TATDN3: variants seen among roughly 807,000 people sequenced by gnomAD.
TATDN3 encodes the protein deoxyribonuclease TATDN3.
Under a neutral mutation model 40.1 loss-of-function variants are expected in TATDN3, and 29 were observed. The ratio of observed to expected loss-of-function variants is 0.72; its 90% CI spans 0.54 to 0.99. The LOEUF is 0.99. Among genes scored for constraint, TATDN3 ranks in the 50% least tolerant of loss-of-function variants. The pLI is 0.00. For missense variants in TATDN3, 309 were observed against 321.9 expected, an observed-to-expected ratio of 0.96 and a Z score of 0.31; for synonymous variants, 105 against 117.0, an observed-to-expected ratio of 0.90 and a Z score of 0.66.
chr1:212,815,105 A>G lies in TATDN3; in HGVS notation c.774A>G (p.Thr258=). The change falls in exon 10 of 10, where the codon ACA becomes ACG. Residue 258 remains threonine, a synonymous_variant. Coordinates refer to ENST00000366974, the MANE Select transcript of TATDN3 (RefSeq NM_001042552.3). ...TGGAAGAAGTTATAGAAGTGACGAC[A>G]CAGAATGCATTAAAACTGTTTCCTA... ...ISVEEVIEVT[T]QNALKLFPKL... 1 of 1,614,108 alleles carries G rather than the reference A, an allele frequency of 6.2e-7. No homozygotes were observed. The highest frequency in any genetic ancestry group is 1.1e-5 in the South Asian group (1 of 91,068).
At chr1:212,802,912 T>C (rs1014953372) in intron 5 of TATDN3, 149 bp downstream of exon 5, 6 of 576,540 alleles carry the variant, frequency 1.0e-5, no homozygotes, top group Non-Finnish European at 1.8e-5. Context: ...TTGATACTTC[T>C]TTAATAAGCA....
At chr1:212,792,079 C>G (rs1257628238) in intron 1 of TATDN3, 92 bp downstream of exon 1, 1 of 1,257,066 alleles carries the variant, frequency 8.0e-7, no homozygotes, top group Non-Finnish European at 1.1e-6. Flanking sequence ...GGGACGAAAC[C>G]CCATATCCCC....
At chr1:212,813,640 C>G (rs1243123328) in intron 9 of TATDN3, among the ~76,000 whole-genome samples, 1 of 150,260 alleles carries the variant, frequency 6.7e-6, no homozygotes, top group African/African-American at 2.4e-5. Flanking sequence ...TCACAGCAAC[C>G]TCGACTTTCT....
At chr1:212,792,228 G>A (rs1661355495) in intron 1 of TATDN3, among the ~76,000 whole-genome samples, 1 of 152,058 alleles carries the variant, frequency 6.6e-6, no homozygotes, top group Non-Finnish European at 1.5e-5. Flanking sequence ...GCTCTTCTGA[G>A]TTCCTGGAAT....
chr1:212,794,301 G>A lies in TATDN3; in HGVS notation c.67-794G>A, dbSNP rs558650104. 2.8e-4 allele frequency among the ~76,000 whole-genome samples: 42 copies of A among 150,914 alleles called. No homozygotes were observed. In the South Asian group the frequency reaches 8.6e-3, roughly 31 times the overall value. ...ATCTCAAAAAAAAAAAAAAAAATTG[G>A]GGACTCAGGCTGGGTTCGATGGCTC... On this transcript the variant is annotated intron_variant, in intron 1 of 9. Coordinates refer to ENST00000366974, the MANE Select transcript of TATDN3 (RefSeq NM_001042552.3).
intron 4 of TATDN3, chr1:212,797,526 T>C (rs1661861203): frequency 5.2e-6 from 1 of 193,370 alleles, no homozygotes; most frequent in Non-Finnish European, 1.1e-5. Context: ...CCAAATAGCA[T>C]ATTCACTATG....
chr1:212,799,798 C>T (rs1047270206), intron 4 of TATDN3, among the ~76,000 whole-genome samples: 16 of 152,184 alleles, frequency 1.1e-4, no homozygotes, highest in Non-Finnish European at 2.1e-4. Flanking sequence ...CTTGGCCTCC[C>T]AAAGTGCTGG....
rs983960909 is a variant in TATDN3 at position 212,815,613 on chromosome 1, TCCC to T, written c.*458_*460del. On this transcript the variant is annotated 3_prime_UTR_variant, in exon 10 of 10. Coordinates refer to ENST00000366974, the MANE Select transcript of TATDN3 (RefSeq NM_001042552.3). Reference sequence around the variant, plus strand: ...ATCTTGGCTCACTGCAACCTCCACTTCCCAGGTTCTAGCGAGTCTCCTCCCTCA... The same window carrying T: ...ATCTTGGCTCACTGCAACCTCCACTTAGGTTCTAGCGAGTCTCCTCCCTCA... 4 of 153,322 alleles carry T rather than the reference TCCC, an allele frequency of 2.6e-5. No individual in the cohort carries two copies. Among genetic ancestry groups the T allele is most frequent in the African/African-American group, 9.6e-5 (4 of 41,474 alleles). The allele number at this position is 153,322 out of a possible 1,614,324, so 9.5% of individuals were successfully genotyped here.
At chr1:212,813,617 T>G (rs1396320566) in intron 9 of TATDN3, among the ~76,000 whole-genome samples, 1 of 150,646 alleles carries the variant, frequency 6.6e-6, no homozygotes, top group Non-Finnish European at 1.5e-5. Context: ...CAAGCTATAG[T>G]GCAGTGGCGT....
At chr1:212,794,113 T>C (rs1198012900) in intron 1 of TATDN3, among the ~76,000 whole-genome samples, 2 of 151,900 alleles carry the variant, frequency 1.3e-5, no homozygotes, top group South Asian at 4.2e-4. Context: ...ACCCTGTCGC[T>C]ACTAAAAGTA....
At chr1:212,792,254 C>G (rs1661358810) in intron 1 of TATDN3, among the ~76,000 whole-genome samples, 2 of 152,210 alleles carry the variant, frequency 1.3e-5, no homozygotes, top group South Asian at 4.1e-4. Context: ...CCTCACTCCC[C>G]TTGGCTGGCC....
At chr1:212,806,721 A>G (rs1357965092) in intron 7 of TATDN3, among the ~76,000 whole-genome samples, 1 of 116,570 alleles carries the variant, frequency 8.6e-6, no homozygotes, top group Non-Finnish European at 1.8e-5. Context: ...AAGATTAAGA[A>G]TTTATTCTCT....
chr1:212,812,034 CAT>C (rs1662917876), intron 8 of TATDN3, among the ~76,000 whole-genome samples: 1 of 151,994 alleles, frequency 6.6e-6, no homozygotes, highest in African/African-American at 2.4e-5. Flanking sequence ...GGGGTTTCAC[CAT>C]GTTGGTCAGG....
At chr1:212,794,753 A>T in intron 1 of TATDN3, 2 of 486,216 alleles carry the variant, frequency 4.1e-6, no homozygotes, top group Non-Finnish European at 8.1e-6. Context: ...CCAATGAGAG[A>T]GTGGTATTGC....
At position 212,804,444 on chromosome 1, in the gene TATDN3, T is replaced by A. The variant is rs1270225229; in HGVS notation, c.431+15T>A. On this transcript the variant is annotated intron_variant, in intron 6 of 9. Coordinates refer to ENST00000366974, the MANE Select transcript of TATDN3 (RefSeq NM_001042552.3). Reference sequence around the variant, plus strand: ...AATTTGCCTGTGTAGGTTAATTATTTTCCTATGTTAATAGCTATAGAGCAA... The same window carrying A: ...AATTTGCCTGTGTAGGTTAATTATTATCCTATGTTAATAGCTATAGAGCAA... The A allele has an allele frequency of 6.2e-7, 1 of 1,601,518 alleles. No homozygotes were observed. The highest frequency in any genetic ancestry group is 1.1e-5 in the South Asian group (1 of 90,538).
chr1:212,805,634 A>G (rs1013421202), intron 7 of TATDN3, among the ~76,000 whole-genome samples: 4 of 152,220 alleles, frequency 2.6e-5, no homozygotes, highest in Admixed American at 2.0e-4. Context: ...AATCACAGCA[A>G]TCACATTGCG....
chr1:212,797,317 C>A, intron 4 of TATDN3, 121 bp downstream of exon 4: 1 of 714,780 alleles, frequency 1.4e-6, no homozygotes, highest in Non-Finnish European at 2.3e-6. Context: ...GGAAACATTA[C>A]CTTCTTTAAC....
intron 1 of TATDN3, among the ~76,000 whole-genome samples, chr1:212,792,383 G>A (rs987509364): frequency 4.6e-5 from 7 of 151,256 alleles, no homozygotes; most frequent in East Asian, 1.9e-4. Flanking sequence ...CGTAATCCCA[G>A]CACTTTGGGA....
intron 8 of TATDN3, among the ~76,000 whole-genome samples, chr1:212,809,634 G>A (rs1387138094): frequency 6.6e-6 from 1 of 151,280 alleles, no homozygotes; most frequent in African/African-American, 2.4e-5. Context: ...GCAGTGAGCC[G>A]AGATCGCGCC....
Sources: allele counts gnomAD v4.1 joint callset (sites outside exome capture counted in the v4.1 genomes callset), GRCh38; gene constraint gnomAD v4.1.1; transcripts MANE v1.5; gene names NCBI Gene and HGNC (gene_info 2026-07-23, HGNC 2026-07-21).